Variants in CLASP1 observed in about 807,000 individuals in gnomAD.
CLASP1 encodes CLIP-associating protein 1.
A neutral mutation model predicts 192.3 loss-of-function variants in CLASP1; 38 were observed. The ratio of observed to expected loss-of-function variants is 0.20; its 90% CI spans 0.15 to 0.26. The LOEUF is 0.26. Among genes scored for constraint, CLASP1 ranks in the 10% least tolerant of loss-of-function variants. The pLI, the probability that CLASP1 is intolerant of heterozygous loss-of-function variation, is 1.00. For synonymous variants in CLASP1, 691 were observed against 712.8 expected (o/e 0.97, Z 0.49); for missense variants, 1,433 against 1,932.5 (o/e 0.74, Z 4.85).
At chr2:121,502,659 C>G (rs2093794028) in intron 8 of CLASP1, among the ~76,000 whole-genome samples, 1 of 152,126 alleles carries the variant, frequency 6.6e-6, no homozygotes, top group African/African-American at 2.4e-5. Context: ...TGCCAGATCA[C>G]GCAAGGCCCA....
intron 19 of CLASP1, 147 bp downstream of exon 19, chr2:121,447,190 A>T: frequency 4.1e-6 from 3 of 728,610 alleles, no homozygotes; most frequent in Non-Finnish European, 6.7e-6. Flanking sequence ...GCTGATCAGC[A>T]GCAAGTGCAC....
At chr2:121,513,798 T>C (rs2094209426) in intron 7 of CLASP1, among the ~76,000 whole-genome samples, 1 of 152,182 alleles carries the variant, frequency 6.6e-6, no homozygotes, top group Non-Finnish European at 1.5e-5. Context: ...ACAACACAAG[T>C]GAGATGCTTT....
At chr2:121,340,182 C>T (rs2062649203) in exon 40 of CLASP1, 1 of 152,172 alleles carries the variant, frequency 6.6e-6, no homozygotes, top group Admixed American at 6.5e-5. Context: ...GGGACCTTGT[C>T]GGTGGAGTCG....
At chr2:121,531,008 A>ATGAAAACCTGTTTTCATAGACTTATC in intron 2 of CLASP1, 1 of 700,230 alleles carries the variant, frequency 1.4e-6, no homozygotes, top group South Asian at 1.5e-5. Context: ...TTTTGGAAAA[A>ATGAAAACCTGTTTTCATAGACTTATC]TGAAAACCTG....
chr2:121,486,456 G>GATTA (rs918345053), intron 8 of CLASP1, among the ~76,000 whole-genome samples: 4 of 152,038 alleles, frequency 2.6e-5, no homozygotes, highest in African/African-American at 9.7e-5. Context: ...TCCTTTCATT[G>GATTA]ATTAAATGTT....
chr2:121,418,556 A>G, intron 23 of CLASP1, 66 bp downstream of exon 23: 3 of 1,088,728 alleles, frequency 2.8e-6, no homozygotes, highest in South Asian at 1.3e-5. Context: ...CATTCCGCCT[A>G]GCAGTGTCTC....
At chr2:121,444,375 T>C (rs1208982348) in intron 19 of CLASP1, among the ~76,000 whole-genome samples, 1 of 152,184 alleles carries the variant, frequency 6.6e-6, no homozygotes, top group Non-Finnish European at 1.5e-5. Context: ...TGTGTGTCCG[T>C]GAGACAAATA....
At chr2:121,630,422 ACAC>A (rs1559818876) in intron 1 of CLASP1, among the ~76,000 whole-genome samples, 13 of 140,946 alleles carry the variant, frequency 9.2e-5, no homozygotes, top group Non-Finnish European at 1.7e-4. Context: ...ACACACACAC[ACAC>A]GCAGAAGCAA....
chr2:121,429,709 T>C (rs998241990), intron 20 of CLASP1, among the ~76,000 whole-genome samples: 5 of 152,228 alleles, frequency 3.3e-5, no homozygotes, highest in Admixed American at 6.5e-5. Flanking sequence ...ATAGCATTAA[T>C]AGTTTTCTGC....
At chr2:121,605,981 T>C in exon 2 of CLASP1, 2 of 1,213,660 alleles carry the variant, frequency 1.6e-6, no homozygotes, top group Non-Finnish European at 2.3e-6. Context: ...AGGTTGCCTC[T>C]TTGTTCGCTG....
At chr2:121,587,866 T>C (rs868828570) in intron 2 of CLASP1, among the ~76,000 whole-genome samples, 30 of 143,760 alleles carry the variant, frequency 2.1e-4, no homozygotes, top group Admixed American at 9.9e-4. Flanking sequence ...AAATATATGA[T>C]GAATAAACCT....
At position 121,634,155 on chromosome 2, in the gene CLASP1, C is replaced by T. The variant is rs60538231; in HGVS notation, c.-286+15217G>A. ...CCTCTTCAGTTTTCCCATAGTAGCA[C>T]GCTTAATACACAGAATAATAACCAT... On this transcript the variant is annotated intron_variant, in intron 1 of 39. Transcript: ENST00000263710. Among the ~76,000 whole-genome samples, 351 of 152,270 alleles carry T rather than the reference C, an allele frequency of 2.3e-3. 1 individual carries two copies. The highest frequency in any genetic ancestry group is 8.1e-3 in the African/African-American group (338 of 41,558).
intron 2 of CLASP1, among the ~76,000 whole-genome samples, chr2:121,577,008 T>A (rs566039239): frequency 1.3e-5 from 2 of 152,298 alleles, no homozygotes; most frequent in African/African-American, 2.4e-5. Flanking sequence ...AATGGTACCA[T>A]GGTTATTTTT....
intron 8 of CLASP1, among the ~76,000 whole-genome samples, chr2:121,479,938 A>G (rs1445331773): frequency 2.0e-5 from 3 of 152,230 alleles, no homozygotes; most frequent in Non-Finnish European, 4.4e-5. Context: ...AGAAGCTCTG[A>G]GGGTGCTAGC....
chr2:121,464,297 A>T (rs2088929468), intron 9 of CLASP1, among the ~76,000 whole-genome samples: 1 of 152,012 alleles, frequency 6.6e-6, no homozygotes, highest in Non-Finnish European at 1.5e-5. Flanking sequence ...ATAGTGCCGC[A>T]ATAAACATAC....
intron 30 of CLASP1, among the ~76,000 whole-genome samples, chr2:121,392,570 C>A (rs548414361): frequency 9.2e-5 from 14 of 152,114 alleles, no homozygotes; most frequent in African/African-American, 3.4e-4. Flanking sequence ...GCCACCATGC[C>A]CAGTTTGAGG....
chr2:121,601,400 G>A (rs112502410), intron 2 of CLASP1, among the ~76,000 whole-genome samples: 5,869 of 151,646 alleles, frequency 0.039, 163 homozygotes, highest in East Asian at 0.14. Flanking sequence ...AGCCTCCCAA[G>A]TAGCTGGGAT....
At chr2:121,468,767 C>G (rs2090126871) in intron 9 of CLASP1, among the ~76,000 whole-genome samples, 1 of 151,798 alleles carries the variant, frequency 6.6e-6, no homozygotes, top group African/African-American at 2.4e-5. Flanking sequence ...TACCCTAACC[C>G]TAACCCCAAT....
chr2:121,347,413 C>T (rs1573553713), intron 38 of CLASP1, among the ~76,000 whole-genome samples: 4 of 152,274 alleles, frequency 2.6e-5, no homozygotes, highest in Admixed American at 2.6e-4. Flanking sequence ...TCTGAGTCTG[C>T]ACAGGTATCA....
Sources: allele counts gnomAD v4.1 joint callset (sites outside exome capture counted in the v4.1 genomes callset), GRCh38; gene constraint gnomAD v4.1.1; transcripts MANE v1.5; gene names NCBI Gene and HGNC (gene_info 2026-07-23, HGNC 2026-07-21).